The following FH variants were observed in gnomAD, a reference collection of about 807,000 sequenced individuals.
FH encodes the protein fumarate hydratase.
FH carries 22 observed loss-of-function variants against 49.4 expected under a neutral mutation model. The observed-to-expected ratio is 0.45, with a 90% CI of 0.32 to 0.64. FH has a LOEUF of 0.64. Among genes scored for constraint, FH ranks in the 30% least tolerant of loss-of-function variants. FH has a pLI of 0.05. For missense variants in FH, 526 were observed against 641.5 expected (o/e 0.82, Z 1.95); for synonymous variants, 208 against 223.0 (o/e 0.93, Z 0.60).
intron 4 of FH, among the ~76,000 whole-genome samples, chr1:241,511,638 A>AT (rs1205363583): frequency 6.6e-6 from 1 of 152,182 alleles, no homozygotes; most frequent in African/African-American, 2.4e-5. Context: ...CCATGGTTAC[A>AT]TAAGATGTTA....
intron 3 of FH, among the ~76,000 whole-genome samples, chr1:241,513,183 T>A (rs1660133862): frequency 6.6e-6 from 1 of 152,146 alleles, no homozygotes; most frequent in African/African-American, 2.4e-5. Context: ...CAACACTATA[T>A]ATACAGTTCT....
chr1:241,517,241 C>G lies in FH; in HGVS notation c.208G>C (p.Ala70Pro). The G allele has an allele frequency of 1.9e-6, 3 of 1,614,028 alleles. No homozygotes were observed. The highest frequency in any genetic ancestry group is 1.7e-6 in the Non-Finnish European group (2 of 1,180,008). ...TTCATCGTAGATCTCACGGTCTGGG[C>G]GCCATAATACTTATCATTTGGCACC... ...LKVPNDKYYG[A>P]QTVRSTMNFK... is the part of the protein sequence containing the mutation. Residue 70 changes from alanine to proline, a missense_variant, in exon 2 of 10, where the codon GCC (alanine) becomes CCC (proline). Physicochemically the swap from Ala to Pro is conservative, Grantham distance 27. Transcript: ENST00000366560.
At chr1:241,504,638 C>T (rs147909642) in intron 6 of FH, among the ~76,000 whole-genome samples, 8 of 152,190 alleles carry the variant, frequency 5.3e-5, no homozygotes, top group South Asian at 2.1e-4. Flanking sequence ...GATGGGGTTT[C>T]GCCATGTTGC....
At chr1:241,516,508 G>T (rs547708905) in intron 2 of FH, among the ~76,000 whole-genome samples, 2 of 152,138 alleles carry the variant, frequency 1.3e-5, no homozygotes, top group African/African-American at 4.8e-5. Context: ...GCCTGTGGGC[G>T]GAGGGGGAGC....
In FH at chr1:241,512,084, T is replaced by C; in HGVS notation, c.438A>G (p.Gly146=). 1 of 1,614,000 alleles carries C rather than the reference T, an allele frequency of 6.2e-7. No individual in the cohort carries two copies. Among genetic ancestry groups the C allele is most frequent in the Non-Finnish European group, 8.5e-7 (1 of 1,179,900 alleles). The part of the protein sequence containing the change: ...FPLVVWQTGS[G]TQTNMNVNEV... Reference sequence around the variant, plus strand: ...CATTTACATTCATATTTGTCTGAGTTCCTGATCCAGTCTGCCATACCACGA... The same window carrying C: ...CATTTACATTCATATTTGTCTGAGTCCCTGATCCAGTCTGCCATACCACGA... Residue 146 remains glycine (G), a synonymous_variant, in exon 4 of 10, where the codon GGA becomes GGG. Coordinates refer to ENST00000366560, the MANE Select transcript of FH (RefSeq NM_000143.4).
chr1:241,503,949 A>G, intron 7 of FH, 93 bp downstream of exon 7: 1 of 1,331,862 alleles, frequency 7.5e-7, no homozygotes, highest in East Asian at 2.5e-5. Flanking sequence ...CAGCTGCGGG[A>G]TAACTTTAAA....
intron 6 of FH, among the ~76,000 whole-genome samples, chr1:241,505,739 G>C (rs1659911829): frequency 6.6e-6 from 1 of 152,132 alleles, no homozygotes; most frequent in Non-Finnish European, 1.5e-5. Flanking sequence ...ACTTTAAAGG[G>C]AAATTAATTG....
intron 7 of FH, 119 bp downstream of exon 7, chr1:241,503,923 G>A (rs1233534309): frequency 5.8e-6 from 6 of 1,040,404 alleles, no homozygotes; most frequent in Non-Finnish European, 8.8e-6. Flanking sequence ...TGCTGGAACA[G>A]TGCGCCTTGC....
chr1:241,503,960 CAA>C, intron 7 of FH, 80 bp downstream of exon 7: 1 of 1,399,236 alleles, frequency 7.1e-7, no homozygotes, highest in Non-Finnish European at 1.0e-6. Flanking sequence ...TAACTTTAAA[CAA>C]AGAGAGACAT....
chr1:241,508,694 T>A lies in FH; in HGVS notation c.647A>T (p.Asp216Val), dbSNP rs1553341348. ...CTCTTTGGATTTTGCATCAAGAGCA[T>A]CATGTAACTTCTGTAGTCCTGGTAA... ...VLLPGLQKLH[D>V]ALDAKSKEFA... Residue 216 changes from aspartate (D) to valine (V), a missense_variant, in exon 5 of 10, where the codon GAT becomes GTT. Asp to Val is a radical substitution (Grantham distance 152). Around this residue, in one of 2 missense-constraint regions of FH, gnomAD observed 383 missense variants for 514.0 expected, o/e 0.75. Transcript: ENST00000366560. The A allele has an allele frequency of 6.2e-7, 1 of 1,613,562 alleles. No homozygotes were observed. The highest frequency in any genetic ancestry group is 8.5e-7 in the Non-Finnish European group (1 of 1,179,492).
intron 9 of FH, among the ~76,000 whole-genome samples, chr1:241,500,233 T>C (rs956994263): frequency 6.6e-6 from 1 of 152,174 alleles, no homozygotes; most frequent in Non-Finnish European, 1.5e-5. Flanking sequence ...AAATGAGGCA[T>C]AATAGATCTA....
intron 6 of FH, among the ~76,000 whole-genome samples, chr1:241,505,451 A>G (rs970473357): frequency 2.0e-5 from 3 of 152,174 alleles, no homozygotes; most frequent in Non-Finnish European, 4.4e-5. Context: ...TGCAGTGTAT[A>G]ATTATCTCTA....
In FH at chr1:241,519,753, G is replaced by A. The variant is rs1227434008; in HGVS notation, c.-31C>T. ...TGAGGGAGCTTGGGTAGAATTTCTG[G>A]GCGGCTGTGGCCACGCCTCCACGCC... On this transcript the variant is annotated 5_prime_UTR_variant, in exon 1 of 10. Transcript: ENST00000366560. The A allele has an allele frequency of 7.9e-6, 12 of 1,517,148 alleles. No individual in the cohort carries two copies. The highest frequency in any genetic ancestry group is 1.1e-5 in the Non-Finnish European group (12 of 1,127,340). 94.0% of individuals were successfully genotyped at this position (1,517,148 alleles called of 1,614,324 possible). A position where few individuals can be genotyped will look rare whatever the true frequency, so the allele number is the denominator to read the frequency against.
Position 241,508,665 on chromosome 1 carries a change from C to T in FH, c.676G>A (p.Ala226Thr), listed in dbSNP as rs2147919498. ...GTACGTCCAATCTTGATGATCTGTGCAAACTCTTTGGATTTTGCATCAAGA... is the reference window on the plus strand; with the variant it reads ...GTACGTCCAATCTTGATGATCTGTGTAAACTCTTTGGATTTTGCATCAAGA... ...DALDAKSKEF[A>T]QIIKIGRTHT... The change falls in exon 5 of 10, where the codon GCA becomes ACA. Residue 226 changes from alanine (A) to threonine (T), a missense_variant. Transcript: ENST00000366560. 2 of 1,613,810 alleles carry T rather than the reference C, an allele frequency of 1.2e-6. No homozygotes were observed. The highest frequency in any genetic ancestry group is 2.2e-5 in the South Asian group (2 of 91,080).
rs1279791216 is a variant in FH, at chr1:241,498,711, A to C, written c.1391-741T>G. On this transcript the variant is annotated intron_variant, in intron 9 of 9. Coordinates refer to ENST00000366560, the MANE Select transcript of FH (RefSeq NM_000143.4). The stretch of plus-strand genomic sequence containing the variant: ...TGTCTTAACATATATATATATATAT[A>C]TATATATATATATATATATATATAT... Among the ~76,000 whole-genome samples, 10 of 70,082 alleles carry C rather than the reference A, an allele frequency of 1.4e-4. 1 individual carries two copies. Among genetic ancestry groups the C allele is most frequent in the African/African-American group, 7.5e-4 (10 of 13,380 alleles). The allele number at this position is 70,082 out of a possible 152,430, so 46.0% of individuals were successfully genotyped here.
rs1573878095 is a variant in FH, at chr1:241,500,547, G to A, written c.1280C>T (p.Ser427Leu). 6.2e-7 allele frequency: 1 copy of A among 1,612,448 alleles called. No homozygotes were observed. The highest frequency in any genetic ancestry group is 8.5e-7 in the Non-Finnish European group (1 of 1,179,748). Residue 427 changes from serine to leucine, a missense_variant, in exon 9 of 10, where the codon TCA becomes TTA. By Grantham distance (145) the Ser-to-Leu change is moderately radical. This residue lies in a region of FH where 383 missense variants were observed against 514.0 expected (regional missense o/e 0.75). Transcript: ENST00000366560. ...LHSARLLGDASVSFTENCVVG... is the reference protein window; with the variant it reads ...LHSARLLGDALVSFTENCVVG... ...CACGCAGTTTTCTGTAAAGGAAACT[G>A]AAGCATCCCCCAGCAGCCTGGCTGA...
chr1:241,518,545 A>G (rs138908865), intron 1 of FH, among the ~76,000 whole-genome samples: 1 of 152,336 alleles, frequency 6.6e-6, no homozygotes, highest in East Asian at 1.9e-4. Flanking sequence ...CAGAAAAAGT[A>G]CTGGCCCTTT....
In FH at chr1:241,513,651, A is replaced by G. The variant is rs753962693; in HGVS notation, c.330T>C (p.Tyr110=). The G allele has an allele frequency of 1.2e-6, 2 of 1,614,044 alleles. No homozygotes were observed. Among genetic ancestry groups the G allele is most frequent in the Admixed American group, 1.7e-5 (1 of 60,000 alleles). Reference sequence around the variant, plus strand: ...CATTAGCAATCTTTGGATCAAGACCATAATCCTGGTTTACTTCAGCGGCCG... The same window carrying G: ...CATTAGCAATCTTTGGATCAAGACCGTAATCCTGGTTTACTTCAGCGGCCG... ...KRAAAEVNQD[Y]GLDPKIANAI... Residue 110 remains tyrosine (Y), a synonymous_variant, in exon 3 of 10, where the codon TAT becomes TAC. Transcript: ENST00000366560.
At chr1:241,499,263 T>C (rs556979609) in intron 9 of FH, among the ~76,000 whole-genome samples, 7 of 152,290 alleles carry the variant, frequency 4.6e-5, no homozygotes, top group Non-Finnish European at 1.0e-4. Flanking sequence ...CATTCTCATA[T>C]GGCCTCTAAC....
Sources: allele counts gnomAD v4.1 joint callset (sites outside exome capture counted in the v4.1 genomes callset), GRCh38; gene constraint gnomAD v4.1.1; regional missense constraint gnomAD v4.1.1; transcripts MANE v1.5; gene names NCBI Gene and HGNC (gene_info 2026-07-23, HGNC 2026-07-21).